ZNF721: variants seen among roughly 807,000 people sequenced by gnomAD.
ZNF721 encodes zinc finger protein 721.
In ZNF721, 2 loss-of-function variants were observed where a neutral mutation model predicts 2.4. The observed-to-expected ratio is 0.82, with a 90% CI of 0.34 to 2.58. The LOEUF (loss-of-function observed/expected upper bound fraction) is 2.58, where lower values mean the gene tolerates loss of function less well. Among genes scored for constraint, ZNF721 ranks in the 30% most tolerant of loss-of-function variants. ZNF721 has a pLI of 0.11. For synonymous variants in ZNF721, 398 were observed against 381.8 expected (o/e 1.04, Z -0.50); for missense variants, 1,187 against 1,085.5 (o/e 1.09, Z -1.31).
In ZNF721 at chr4:441,804, G is replaced by A. The variant is rs1419300291; in HGVS notation, c.2663C>T (p.Thr888Ile). ...TCCACACGTGTAGGGTTTCTCTCCA[G>A]TATGAATTTTCTTATGCGCATAAAG... ...ANLYAHKKIH[T>I]GEKPYTCGDC... Residue 888 changes from threonine (T) to isoleucine (I), a missense_variant, in exon 3 of 3, where the codon ACT becomes ATT. By Grantham distance (89) the Thr-to-Ile change is moderately conservative. Coordinates refer to ENST00000511833, the MANE Select transcript of ZNF721 (RefSeq NM_133474.4). 3.1e-6 allele frequency: 5 copies of A among 1,613,916 alleles called. No individual in the cohort carries two copies. The highest frequency in any genetic ancestry group is 4.2e-6 in the Non-Finnish European group (5 of 1,179,938).
chr4:498,502 G>GA, intron 1 of ZNF721, among the ~76,000 whole-genome samples: 1 of 152,022 alleles, frequency 6.6e-6, no homozygotes, highest in East Asian at 1.9e-4. Context: ...TTTCCTTTCA[G>GA]AAAAAAGAAA....
chr4:484,947 C>T (rs527678112), intron 1 of ZNF721, among the ~76,000 whole-genome samples: 44 of 152,274 alleles, frequency 2.9e-4, no homozygotes, highest in Non-Finnish European at 4.0e-4. Flanking sequence ...TGGGGCATCA[C>T]GGAACCTACT....
rs115491219 is a variant in ZNF721 at position 482,053 on chromosome 4, C to G, written c.-93-9352G>C. Among the ~76,000 whole-genome samples, 251 of 152,120 alleles carry G rather than the reference C, an allele frequency of 1.7e-3. 1 individual carries two copies. Among genetic ancestry groups the G allele is most frequent in the African/African-American group, 5.9e-3 (245 of 41,492 alleles). ...TATGTGCACTTGGTGTATAAATGACCGAATTTTGGGCGAGTCAGTAAAGGT... is the reference window on the plus strand; with the variant it reads ...TATGTGCACTTGGTGTATAAATGACGGAATTTTGGGCGAGTCAGTAAAGGT... On this transcript the variant is annotated intron_variant, in intron 1 of 2. Transcript: ENST00000511833.
At position 442,324 on chromosome 4, in the gene ZNF721, G is replaced by A. The variant is rs201611004; in HGVS notation, c.2143C>T (p.His715Tyr). Reference sequence around the variant, plus strand: ...TTCTCCCTAGTGTGAACTCTCCTATGTGTAGTAAGGTTTCTTGACCTACTA... The same window carrying A: ...TTCTCCCTAGTGTGAACTCTCCTATATGTAGTAAGGTTTCTTGACCTACTA... The part of the protein sequence containing the change: ...AFSRSRNLTT[H>Y]RRVHTREKPY... Residue 715 changes from histidine to tyrosine, a missense_variant, in exon 3 of 3, where the codon CAT (histidine) becomes TAT (tyrosine). Physicochemically the swap from His to Tyr is moderately conservative, Grantham distance 83. Transcript: ENST00000511833. 89 of 1,613,700 alleles carry A rather than the reference G, an allele frequency of 5.5e-5. No homozygotes were observed. The highest frequency in any genetic ancestry group is 7.5e-5 in the Non-Finnish European group (88 of 1,179,804).
Position 443,619 on chromosome 4 carries a change from C to A in ZNF721, c.848G>T (p.Gly283Val), listed in dbSNP as rs1714357525. 1.2e-6 allele frequency: 2 copies of A among 1,613,806 alleles called. No homozygotes were observed. The highest frequency in any genetic ancestry group is 2.7e-5 in the African/African-American group (2 of 74,872). Reference protein sequence around the residue: ...GEKPFKCLECGKAFNISTTLT... With the variant: ...GEKPFKCLECVKAFNISTTLT... The stretch of plus-strand genomic sequence containing the variant: ...GGTTGTGGAAATATTAAAGGCTTTA[C>A]CACATTCTAAACATTTAAAGGGTTT... The change falls in exon 3 of 3, where the codon GGT becomes GTT. Residue 283 changes from glycine to valine, a missense_variant. Gly to Val is a moderately radical substitution (Grantham distance 109). Transcript: ENST00000511833.
chr4:449,875 G>C (rs574418285), intron 2 of ZNF721, among the ~76,000 whole-genome samples: 2 of 152,226 alleles, frequency 1.3e-5, no homozygotes, highest in African/African-American at 4.8e-5. Flanking sequence ...CAATTAGAAT[G>C]ACTGTAATTA....
At chr4:498,652 C>A (rs1475046746) in intron 1 of ZNF721, among the ~76,000 whole-genome samples, 2 of 151,990 alleles carry the variant, frequency 1.3e-5, no homozygotes, top group Admixed American at 6.5e-5. Context: ...CATGATCTCA[C>A]TCATGTGGCA....
At chr4:476,055 C>A (rs1459108674) in intron 1 of ZNF721, among the ~76,000 whole-genome samples, 2 of 152,092 alleles carry the variant, frequency 1.3e-5, no homozygotes, top group Non-Finnish European at 2.9e-5. Context: ...ATTCTCTGGG[C>A]CCTTTAAATA....
intron 2 of ZNF721, among the ~76,000 whole-genome samples, chr4:466,940 C>G (rs782373646): frequency 6.6e-5 from 10 of 152,186 alleles, no homozygotes; most frequent in Non-Finnish European, 1.2e-4. Context: ...GCGGCTTGGC[C>G]GGGCGCGGTG....
At chr4:479,635 T>G (rs967080760) in intron 1 of ZNF721, among the ~76,000 whole-genome samples, 3 of 152,216 alleles carry the variant, frequency 2.0e-5, no homozygotes, top group Non-Finnish European at 4.4e-5. Context: ...TTTGTTGGCA[T>G]GCACCAGTGT....
At position 446,784 on chromosome 4, in the gene ZNF721, C is replaced by T. The variant is rs142635082; in HGVS notation, c.35-2352G>A. Among the ~76,000 whole-genome samples, 451 of 152,168 alleles carry T rather than the reference C, an allele frequency of 3.0e-3. 3 individuals are homozygous for T. Among genetic ancestry groups the T allele is most frequent in the African/African-American group, 9.7e-3 (402 of 41,542 alleles). On this transcript the variant is annotated intron_variant, in intron 2 of 2. Coordinates refer to ENST00000511833, the MANE Select transcript of ZNF721 (RefSeq NM_133474.4). ...TCTTGGCTCACTGCAACCTCCCCTC[C>T]TGGGTTCAAGCAATTCTCCTGCCTC...
intron 2 of ZNF721, among the ~76,000 whole-genome samples, chr4:455,027 A>C (rs1439812027): frequency 1.3e-5 from 2 of 152,200 alleles, no homozygotes; most frequent in South Asian, 2.1e-4. Flanking sequence ...GCACGGATGA[A>C]TGGTGGACTC....
intron 1 of ZNF721, among the ~76,000 whole-genome samples, chr4:485,711 C>A (rs547302484): frequency 1.3e-5 from 2 of 152,338 alleles, no homozygotes; most frequent in Non-Finnish European, 2.9e-5. Context: ...TTAACTGGCG[C>A]ACGCCTGTAA....
chr4:497,846 G>A (rs1025652058), intron 1 of ZNF721, among the ~76,000 whole-genome samples: 17 of 149,698 alleles, frequency 1.1e-4, no homozygotes, highest in Non-Finnish European at 1.3e-4. Flanking sequence ...TGCAGTGAGC[G>A]GAGATGGTGC....
chr4:483,782 CTAACA>C (rs1715828357), intron 1 of ZNF721, among the ~76,000 whole-genome samples: 2 of 152,082 alleles, frequency 1.3e-5, no homozygotes, highest in South Asian at 2.1e-4. Context: ...ATATTTAATC[CTAACA>C]TAATATTTCA....
At chr4:453,497 C>T (rs1553865055) in intron 2 of ZNF721, 1 of 152,198 alleles carries the variant, frequency 6.6e-6, no homozygotes, top group South Asian at 2.1e-4. Flanking sequence ...AAAATTTCCA[C>T]CACAACTGCA....
rs557516098 is a variant in ZNF721 at position 444,101 on chromosome 4, T to C, written c.366A>G (p.Ser122=). Residue 122 remains serine, a synonymous_variant, in exon 3 of 3, where the codon TCA becomes TCG. Transcript: ENST00000511833. ...NECGKSFQKF[S]DLTQHKGIHA... is the part of the protein sequence containing the mutation. ...GAATTCCTTTATGTTGAGTTAGGTC[T>C]GAGAACTTCTGAAATGACTTGCCAC... is the stretch of plus-strand genomic sequence containing the variant. The C allele has an allele frequency of 1.9e-6, 3 of 1,614,208 alleles. No individual in the cohort carries two copies. The highest frequency in any genetic ancestry group is 1.3e-5 in the African/African-American group (1 of 75,070).
At position 456,049 on chromosome 4, in the gene ZNF721, T is replaced by TA. The variant is rs1560231355; in HGVS notation, c.35-11618_35-11617insT. On this transcript the variant is annotated intron_variant, in intron 2 of 2. Coordinates refer to ENST00000511833, the MANE Select transcript of ZNF721 (RefSeq NM_133474.4). ...AAAACAGTCATGATCACCAAAAAAA[T>TA]TTTTATTTATTTATTTATTTATTTA... is the stretch of plus-strand genomic sequence containing the variant. 4.3e-3 allele frequency among the ~76,000 whole-genome samples: 615 copies of TA among 142,698 alleles called. 3 individuals are homozygous for TA. The highest frequency in any genetic ancestry group is 0.016 in the African/African-American group (595 of 37,548). 93.6% of individuals were successfully genotyped at this position (142,698 alleles called of 152,430 possible).
At chr4:474,612 C>G (rs1553868325) in intron 1 of ZNF721, among the ~76,000 whole-genome samples, 1 of 152,222 alleles carries the variant, frequency 6.6e-6, no homozygotes. Context: ...CACGGTTGCT[C>G]ACGCCAGTAA....
Sources: gnomAD v4.1 joint callset for allele counts (sites outside exome capture counted in the v4.1 genomes callset) on GRCh38, gnomAD v4.1.1 for gene constraint, MANE v1.5 for transcripts, NCBI Gene and HGNC (gene_info 2026-07-23, HGNC 2026-07-21) for gene names.